Variants in TMEM108 observed in about 807,000 individuals in gnomAD.
TMEM108 encodes transmembrane protein 108.
A neutral mutation model predicts 35.1 loss-of-function variants in TMEM108; 12 were observed. That is an observed-to-expected ratio of 0.34 (90% CI 0.22 to 0.55). TMEM108 has a LOEUF of 0.55. Ranked by LOEUF, TMEM108 falls within the 20% of genes least tolerant of loss-of-function variation. The probability of loss-of-function intolerance (pLI) is 0.89; values close to 1 mark genes in which losing one functional copy is unlikely to be tolerated. For missense variants in TMEM108, 680 were observed against 753.3 expected (o/e 0.90, Z 1.14); for synonymous variants, 287 against 308.6 (o/e 0.93, Z 0.73).
At chr3:133,323,491 G>T (rs1166679599) in intron 3 of TMEM108, among the ~76,000 whole-genome samples, 1 of 152,022 alleles carries the variant, frequency 6.6e-6, no homozygotes, top group African/African-American at 2.4e-5. Context: ...TCTCTACAAG[G>T]AAAACTACAG....
chr3:133,347,061 G>T (rs139193997), intron 3 of TMEM108, among the ~76,000 whole-genome samples: 6 of 152,206 alleles, frequency 3.9e-5, no homozygotes, highest in African/African-American at 1.4e-4. Flanking sequence ...AAGTCTTGAA[G>T]TTGGATAGTG....
chr3:133,224,821 G>A (rs1382739670), intron 2 of TMEM108, among the ~76,000 whole-genome samples: 1 of 150,974 alleles, frequency 6.6e-6, no homozygotes, highest in Non-Finnish European at 1.5e-5. Flanking sequence ...AAAACAAGAA[G>A]CAATGAAAAA....
At chr3:133,098,413 C>T (rs1406701539) in intron 2 of TMEM108, among the ~76,000 whole-genome samples, 1 of 152,168 alleles carries the variant, frequency 6.6e-6, no homozygotes, top group African/African-American at 2.4e-5. Context: ...GGTGGGGACA[C>T]AGTCAAACCA....
At chr3:133,155,665 G>A (rs1409787354) in intron 2 of TMEM108, among the ~76,000 whole-genome samples, 1 of 151,874 alleles carries the variant, frequency 6.6e-6, no homozygotes, top group South Asian at 2.1e-4. Context: ...TTTTGAAAAG[G>A]GCCTGTTCAT....
intron 3 of TMEM108, among the ~76,000 whole-genome samples, chr3:133,278,678 C>T (rs1946870131): frequency 6.6e-6 from 1 of 152,046 alleles, no homozygotes; most frequent in South Asian, 2.1e-4. Context: ...GATGAAAATC[C>T]AATATTATAA....
intron 2 of TMEM108, among the ~76,000 whole-genome samples, chr3:133,178,253 G>A (rs1326928418): frequency 2.0e-5 from 3 of 152,160 alleles, no homozygotes; most frequent in Non-Finnish European, 4.4e-5. Flanking sequence ...GTAATTTATA[G>A]ATTCAATGCC....
At chr3:133,055,374 A>C (rs1326625958) in intron 2 of TMEM108, among the ~76,000 whole-genome samples, 1 of 152,238 alleles carries the variant, frequency 6.6e-6, no homozygotes, top group East Asian at 1.9e-4. Context: ...AGAATCAGGA[A>C]TTAATTTGAA....
chr3:133,334,116 G>A (rs2071444122), intron 3 of TMEM108, among the ~76,000 whole-genome samples: 1 of 151,328 alleles, frequency 6.6e-6, no homozygotes, highest in South Asian at 2.1e-4. Flanking sequence ...CTCCTCCTGG[G>A]GAAAAAAAAA....
chr3:133,040,572 T>G (rs991887141), intron 1 of TMEM108, among the ~76,000 whole-genome samples: 2 of 152,114 alleles, frequency 1.3e-5, no homozygotes, highest in African/African-American at 4.8e-5. Context: ...GTAGGTGGCA[T>G]AGTATACACT....
chr3:133,197,737 G>C (rs774509345), intron 2 of TMEM108, among the ~76,000 whole-genome samples: 2 of 152,146 alleles, frequency 1.3e-5, no homozygotes, highest in Admixed American at 6.5e-5. Flanking sequence ...TGCAGTCATG[G>C]CTGAAATCAG....
At chr3:133,198,736 C>T (rs1360789976) in intron 2 of TMEM108, among the ~76,000 whole-genome samples, 1 of 152,128 alleles carries the variant, frequency 6.6e-6, no homozygotes, top group Non-Finnish European at 1.5e-5. Flanking sequence ...ATCCTTTCTC[C>T]TCAAGATTTC....
intron 2 of TMEM108, among the ~76,000 whole-genome samples, chr3:133,122,302 A>G (rs1944362075): frequency 6.6e-6 from 1 of 152,162 alleles, no homozygotes; most frequent in Admixed American, 6.6e-5. Context: ...AATTTTTAAT[A>G]AAGTTTTTGA....
At chr3:133,054,399 T>C (rs1314457126) in intron 2 of TMEM108, among the ~76,000 whole-genome samples, 9 of 152,214 alleles carry the variant, frequency 5.9e-5, no homozygotes, top group Non-Finnish European at 1.2e-4. Context: ...TTGATTCTTA[T>C]GGCCACCTGT....
At chr3:133,384,119 G>A (rs746188928) in intron 4 of TMEM108, among the ~76,000 whole-genome samples, 28 of 152,278 alleles carry the variant, frequency 1.8e-4, no homozygotes, top group Admixed American at 9.8e-4. Context: ...CCTCTTCCAC[G>A]TCTAAGGGCC....
At chr3:133,326,001 GATTGACCACAT>G (rs2071328387) in intron 3 of TMEM108, among the ~76,000 whole-genome samples, 1 of 152,082 alleles carries the variant, frequency 6.6e-6, no homozygotes, top group African/African-American at 2.4e-5. Flanking sequence ...AAATAAATAA[GATTGACCACAT>G]GTTGATCACT....
chr3:133,249,337 C>T (rs563152722), intron 3 of TMEM108, among the ~76,000 whole-genome samples: 1 of 152,262 alleles, frequency 6.6e-6, no homozygotes, highest in South Asian at 2.1e-4. Flanking sequence ...AATGTTAGCC[C>T]TTAAACTATT....
chr3:133,166,562 T>C (rs1192585239), intron 2 of TMEM108, among the ~76,000 whole-genome samples: 1 of 152,090 alleles, frequency 6.6e-6, no homozygotes, highest in Non-Finnish European at 1.5e-5. Flanking sequence ...GTCATTGGCT[T>C]CAGGAGTGAA....
chr3:133,216,124 C>T (rs1945904719), intron 2 of TMEM108, among the ~76,000 whole-genome samples: 1 of 152,016 alleles, frequency 6.6e-6, no homozygotes, highest in Admixed American at 6.6e-5. Flanking sequence ...ATGTACTTGT[C>T]ATTTCAAGTC....
At chr3:133,175,263 T>G (rs1945200380) in intron 2 of TMEM108, among the ~76,000 whole-genome samples, 2 of 152,178 alleles carry the variant, frequency 1.3e-5, no homozygotes, top group Non-Finnish European at 2.9e-5. Context: ...CAGGATATTA[T>G]CCAGGAGAAC....
Sources: allele counts gnomAD v4.1 joint callset (sites outside exome capture counted in the v4.1 genomes callset), GRCh38; gene constraint gnomAD v4.1.1; transcripts MANE v1.5; gene names NCBI Gene and HGNC (gene_info 2026-07-23, HGNC 2026-07-21).